Variants in RPS6KC1 observed in about 807,000 individuals in gnomAD.
The protein encoded by RPS6KC1 is ribosomal protein S6 kinase C1.
RPS6KC1 carries 54 observed loss-of-function variants against 103.8 expected under a neutral mutation model. That is an observed-to-expected ratio of 0.52 (90% CI 0.42 to 0.65). The LOEUF is 0.65. RPS6KC1 is among the 30% of genes least tolerant of loss of function. RPS6KC1 has a pLI of 0.00. For synonymous variants in RPS6KC1, 439 were observed against 438.7 expected (o/e 1.00, Z -0.01); for missense variants, 1,151 against 1,253.8 (o/e 0.92, Z 1.24).
At chr1:213,564,558 A>G in the RPS6KC1 span, among the ~76,000 whole-genome samples, 8 of 152,190 alleles carry the variant, frequency 5.3e-5, no homozygotes, top group Admixed American at 5.2e-4. Flanking sequence ...TTGTTGCCAC[A>G]TTGGAAAGTG....
chr1:213,104,013 A>G (rs374879824), intron 3 of RPS6KC1, among the ~76,000 whole-genome samples: 13 of 152,166 alleles, frequency 8.5e-5, no homozygotes, highest in African/African-American at 3.1e-4. Context: ...CACTAATAAT[A>G]CAGATGTTCT....
At chr1:213,378,448 C>A in the RPS6KC1 span, among the ~76,000 whole-genome samples, 1 of 152,102 alleles carries the variant, frequency 6.6e-6, no homozygotes, top group Admixed American at 6.5e-5. Flanking sequence ...ATGTACATAG[C>A]CTTTGCTTGC....
At chr1:213,752,892 C>G in the RPS6KC1 span, among the ~76,000 whole-genome samples, 1 of 152,192 alleles carries the variant, frequency 6.6e-6, no homozygotes, top group Non-Finnish European at 1.5e-5. Flanking sequence ...AGCCAAGATC[C>G]CTTCATCACA....
At chr1:213,190,739 T>A (rs1256437739) in intron 8 of RPS6KC1, among the ~76,000 whole-genome samples, 2 of 152,238 alleles carry the variant, frequency 1.3e-5, no homozygotes, top group Non-Finnish European at 2.9e-5. Flanking sequence ...TCCAATGTCC[T>A]GGAGAGTTTC....
the RPS6KC1 span, among the ~76,000 whole-genome samples, chr1:213,728,142 C>A: frequency 6.6e-6 from 1 of 151,750 alleles, no homozygotes; most frequent in Non-Finnish European, 1.5e-5. Context: ...GCGTGATAAG[C>A]GGTGCACAGT....
the RPS6KC1 span, among the ~76,000 whole-genome samples, chr1:213,490,791 G>A: frequency 2.0e-5 from 3 of 152,186 alleles, no homozygotes; most frequent in Admixed American, 1.3e-4. Context: ...GGTGGCAGCA[G>A]GTTTGCCTTT....
chr1:213,705,080 A>T, the RPS6KC1 span, among the ~76,000 whole-genome samples: 1 of 152,236 alleles, frequency 6.6e-6, no homozygotes, highest in Non-Finnish European at 1.5e-5. Context: ...AAGCCAGCAT[A>T]GCACTGAGTT....
chr1:213,677,099 T>C, the RPS6KC1 span, among the ~76,000 whole-genome samples: 1 of 152,198 alleles, frequency 6.6e-6, no homozygotes, highest in Non-Finnish European at 1.5e-5. Context: ...TCCCAGAGAA[T>C]GAAAATGACA....
At chr1:213,798,939 T>C in the RPS6KC1 span, among the ~76,000 whole-genome samples, 2 of 152,134 alleles carry the variant, frequency 1.3e-5, no homozygotes, top group Non-Finnish European at 2.9e-5. Flanking sequence ...TAAAATGGAC[T>C]CCATGGCTGG....
Position 213,127,246 on chromosome 1 carries a change from A to T in RPS6KC1, c.473-2281A>T, listed in dbSNP as rs2085086034. ...CACCATATTGACATTTGCCCTGATGATGCAAAAGCCATGGTAGGTGAAACT... is the reference window on the plus strand; with the variant it reads ...CACCATATTGACATTTGCCCTGATGTTGCAAAAGCCATGGTAGGTGAAACT... On this transcript the variant is annotated intron_variant, in intron 5 of 14. Transcript: ENST00000366960. 2.0e-5 allele frequency among the ~76,000 whole-genome samples: 3 copies of T among 152,176 alleles called. No homozygotes were observed. In the South Asian group the frequency reaches 6.2e-4, roughly 32 times the overall value.
At chr1:213,512,716 T>G in the RPS6KC1 span, among the ~76,000 whole-genome samples, 2 of 152,196 alleles carry the variant, frequency 1.3e-5, no homozygotes, top group Non-Finnish European at 2.9e-5. Context: ...GGGGTGAAAT[T>G]TTTATGGCAA....
chr1:213,432,749 CTT>C, the RPS6KC1 span, among the ~76,000 whole-genome samples: 140 of 147,190 alleles, frequency 9.5e-4, no homozygotes, highest in East Asian at 1.8e-3. Flanking sequence ...AATCATTTCC[CTT>C]TTTTTTTTTT....
the RPS6KC1 span, among the ~76,000 whole-genome samples, chr1:213,798,738 G>A: frequency 7.9e-5 from 12 of 152,188 alleles, no homozygotes; most frequent in African/African-American, 2.9e-4. Flanking sequence ...TCTGCAGAAA[G>A]AGGGCAATAT....
the RPS6KC1 span, among the ~76,000 whole-genome samples, chr1:213,507,549 ATTT>A: frequency 7.0e-5 from 10 of 142,776 alleles, no homozygotes; most frequent in Non-Finnish European, 9.2e-5. Context: ...CAACCCTCTC[ATTT>A]TTTTTTTTTT....
chr1:213,395,953 G>A, the RPS6KC1 span, among the ~76,000 whole-genome samples: 1 of 152,228 alleles, frequency 6.6e-6, no homozygotes, highest in Non-Finnish European at 1.5e-5. Context: ...ACGGAGTCTG[G>A]GCTGGCATTT....
At chr1:213,099,525 T>G (rs1009970774) in intron 3 of RPS6KC1, among the ~76,000 whole-genome samples, 1 of 152,220 alleles carries the variant, frequency 6.6e-6, no homozygotes, top group Non-Finnish European at 1.5e-5. Flanking sequence ...TAGATAAGTT[T>G]ACACACAGTT....
chr1:213,798,605 C>T, the RPS6KC1 span, among the ~76,000 whole-genome samples: 1 of 152,150 alleles, frequency 6.6e-6, no homozygotes, highest in African/African-American at 2.4e-5. Context: ...CACTTACGTG[C>T]CCAGTGACCT....
chr1:213,182,430 A>G (rs529805767), intron 8 of RPS6KC1, among the ~76,000 whole-genome samples: 4 of 152,190 alleles, frequency 2.6e-5, no homozygotes, highest in African/African-American at 7.2e-5. Context: ...GGCAAAGGTT[A>G]TAGTGAAATG....
At chr1:213,581,604 A>T in the RPS6KC1 span, among the ~76,000 whole-genome samples, 1 of 152,086 alleles carries the variant, frequency 6.6e-6, no homozygotes, top group Admixed American at 6.5e-5. Flanking sequence ...ATGCCCAGGC[A>T]TCTCCAGGAA....
Sources: gnomAD v4.1 joint callset for allele counts (sites outside exome capture counted in the v4.1 genomes callset) on GRCh38, gnomAD v4.1.1 for gene constraint, MANE v1.5 for transcripts, NCBI Gene and HGNC (gene_info 2026-07-23, HGNC 2026-07-21) for gene names.